Variants in MCTP1 observed in about 807,000 individuals in gnomAD.
MCTP1 encodes the protein multiple C2 and transmembrane domain-containing protein 1.
In MCTP1, 69 loss-of-function variants were observed where a neutral mutation model predicts 120.6. The ratio of observed to expected loss-of-function variants is 0.57; its 90% CI spans 0.47 to 0.70. The LOEUF (loss-of-function observed/expected upper bound fraction) is 0.70, where lower values mean the gene tolerates loss of function less well. Among genes scored for constraint, MCTP1 ranks in the 30% least tolerant of loss-of-function variants. The probability of loss-of-function intolerance (pLI) is 0.00; values close to 1 mark genes in which losing one functional copy is unlikely to be tolerated. For synonymous variants in MCTP1, 529 were observed against 493.1 expected (o/e 1.07, Z -0.96); for missense variants, 1,203 against 1,248.8 (o/e 0.96, Z 0.55).
rs1283123081 is a variant in MCTP1 at position 95,232,603 on chromosome 5, C to T, written c.720+51253G>A. Reference sequence around the variant, plus strand: ...CCTCCAGAGTAGCTGGGACTATAGGCGCTTGCCACCACACCCAGCTAATTT... The same window carrying T: ...CCTCCAGAGTAGCTGGGACTATAGGTGCTTGCCACCACACCCAGCTAATTT... On this transcript the variant is annotated intron_variant, in intron 1 of 22. Coordinates refer to ENST00000515393, the MANE Select transcript of MCTP1 (RefSeq NM_024717.7). Among the ~76,000 whole-genome samples the T allele has an allele frequency of 7.2e-5, 11 of 151,826 alleles. No individual in the cohort carries two copies. The East Asian group carries it at 9.7e-4, about 13-fold the overall frequency.
At chr5:95,266,724 T>G (rs114355219) in intron 1 of MCTP1, among the ~76,000 whole-genome samples, 1,603 of 152,322 alleles carry the variant, frequency 0.011, 24 homozygotes, top group African/African-American at 0.035. Context: ...TCCATGTTCA[T>G]ATTGGTCATT....
intron 1 of MCTP1, among the ~76,000 whole-genome samples, chr5:95,248,597 A>G (rs1757060147): frequency 6.6e-6 from 1 of 152,234 alleles, no homozygotes; most frequent in African/African-American, 2.4e-5. Flanking sequence ...AGAATGCCCA[A>G]GGTAATTTAT....
intron 1 of MCTP1, among the ~76,000 whole-genome samples, chr5:95,223,657 T>C (rs1753935799): frequency 6.6e-6 from 1 of 152,104 alleles, no homozygotes; most frequent in Admixed American, 6.6e-5. Context: ...TGTATATTTC[T>C]TGAAACTGGA....
chr5:94,793,180 A>G (rs73133942), intron 18 of MCTP1, among the ~76,000 whole-genome samples: 32,726 of 152,034 alleles, frequency 0.22, 5,563 homozygotes, highest in African/African-American at 0.47. Flanking sequence ...GTGCAAATCC[A>G]AAGCCTGATG....
intron 17 of MCTP1, among the ~76,000 whole-genome samples, chr5:94,824,569 G>T: frequency 6.6e-6 from 1 of 152,134 alleles, no homozygotes; most frequent in Non-Finnish European, 1.5e-5. Flanking sequence ...TTTGGGAGGA[G>T]TCCCTCTTTT....
rs1362677191 is a variant in MCTP1, at chr5:94,712,779, A to G, written c.2721-1852T>C. Reference sequence around the variant, plus strand: ...CCCTTGCTTCTGCTTGCTTGTGGAGAGAACAGAAGGCTAAGGGGATCTGCT... The same window carrying G: ...CCCTTGCTTCTGCTTGCTTGTGGAGGGAACAGAAGGCTAAGGGGATCTGCT... On this transcript the variant is annotated intron_variant, in intron 20 of 22. Transcript: ENST00000515393. 5.9e-5 allele frequency among the ~76,000 whole-genome samples: 9 copies of G among 151,714 alleles called. No individual in the cohort carries two copies. The South Asian group carries it at 1.5e-3, about 25-fold the overall frequency.
At position 94,703,865 on chromosome 5, in the gene MCTP1, G is replaced by A. The variant is rs1585265540; in HGVS notation, c.*3631C>T. The A allele has an allele frequency of 6.6e-6, 1 of 150,582 alleles. No homozygotes were observed. Among genetic ancestry groups the A allele is most frequent in the East Asian group, 2.0e-4 (1 of 5,114 alleles). 9.3% of individuals were successfully genotyped at this position (150,582 alleles called of 1,614,324 possible). A position where few individuals can be genotyped will look rare whatever the true frequency, so the allele number is the denominator to read the frequency against. Reference sequence around the variant, plus strand: ...TTATTTGCATACTATTTTTTAATGAGATTTTTCAATAGTATTTCTCAAATT... The same window carrying A: ...TTATTTGCATACTATTTTTTAATGAAATTTTTCAATAGTATTTCTCAAATT... On this transcript the variant is annotated 3_prime_UTR_variant, in exon 23 of 23. Transcript: ENST00000515393.
Position 94,917,932 on chromosome 5 carries a change from T to A in MCTP1, c.1314A>T (p.Arg438Ser). Residue 438 changes from arginine (R) to serine (S), a missense_variant, in exon 8 of 23, where the codon AGA (arginine) becomes AGT (serine). Physicochemically the swap from Arg to Ser is moderately radical, Grantham distance 110. Coordinates refer to ENST00000515393, the MANE Select transcript of MCTP1 (RefSeq NM_024717.7). ...TGCAATAAGGATTCTGAAGCTCTGC[T>A]CTGCAGAAGCCCAGGACAGGAAGAG... ...RPALPVLGFC[R>S]AELQNPYCKN... The A allele has an allele frequency of 3.1e-6, 5 of 1,614,074 alleles. No homozygotes were observed. The highest frequency in any genetic ancestry group is 4.2e-6 in the Non-Finnish European group (5 of 1,179,934).
chr5:95,023,308 C>T (rs1205937762), intron 1 of MCTP1, among the ~76,000 whole-genome samples: 1 of 152,160 alleles, frequency 6.6e-6, no homozygotes, highest in Non-Finnish European at 1.5e-5. Context: ...AGAGAAATCC[C>T]ATGGTTCTAG....
At chr5:94,882,597 G>A (rs1328850424) in intron 12 of MCTP1, among the ~76,000 whole-genome samples, 1 of 152,080 alleles carries the variant, frequency 6.6e-6, no homozygotes, top group Non-Finnish European at 1.5e-5. Context: ...ATTTCTTCAA[G>A]CACTGAGTGA....
At chr5:94,855,599 T>C (rs545991163) in intron 17 of MCTP1, among the ~76,000 whole-genome samples, 1 of 151,758 alleles carries the variant, frequency 6.6e-6, no homozygotes, top group South Asian at 2.1e-4. Context: ...TATACAGATA[T>C]ATCTCATTCA....
chr5:94,707,670 T>G lies in MCTP1; in HGVS notation c.2929-103A>C. 3 of 823,144 alleles carry G rather than the reference T, an allele frequency of 3.6e-6. No individual in the cohort carries two copies. In the East Asian group the frequency reaches 7.4e-5, roughly 20 times the overall value. 51.0% of individuals were successfully genotyped at this position (823,144 alleles called of 1,614,324 possible). On this transcript the variant is annotated intron_variant, in intron 22 of 22. Coordinates refer to ENST00000515393, the MANE Select transcript of MCTP1 (RefSeq NM_024717.7). ...GACGGTGCTTGGGGGAAGAAAGTGC[T>G]CACTCTAGAAGCTGTATGGGATCTG...
At chr5:94,797,389 T>C (rs1344946662) in intron 18 of MCTP1, among the ~76,000 whole-genome samples, 1 of 152,142 alleles carries the variant, frequency 6.6e-6, no homozygotes, top group Admixed American at 6.6e-5. Flanking sequence ...GAATGAAAAG[T>C]AGATATTCTT....
At position 95,261,073 on chromosome 5, in the gene MCTP1, G is replaced by C. The variant is rs139352615; in HGVS notation, c.720+22783C>G. On this transcript the variant is annotated intron_variant, in intron 1 of 22. Transcript: ENST00000515393. ...TAGACTGTGAAACTTTTCCGAGGTAGATTCTATTCCTCTAGATAGTAAGGA... is the reference window on the plus strand; with the variant it reads ...TAGACTGTGAAACTTTTCCGAGGTACATTCTATTCCTCTAGATAGTAAGGA... Among the ~76,000 whole-genome samples, 657 of 152,310 alleles carry C rather than the reference G, an allele frequency of 4.3e-3. 5 individuals are homozygous for C. The highest frequency in any genetic ancestry group is 0.013 in the African/African-American group (552 of 41,564).
intron 1 of MCTP1, among the ~76,000 whole-genome samples, chr5:95,198,955 G>C (rs187949735): frequency 6.6e-6 from 1 of 152,126 alleles, no homozygotes; most frequent in Non-Finnish European, 1.5e-5. Context: ...TTTGTTAATG[G>C]TGCTAAGGAC....
rs187681086 is a variant in MCTP1, at chr5:95,235,899, C to G, written c.720+47957G>C. Among the ~76,000 whole-genome samples the G allele has an allele frequency of 3.3e-5, 5 of 152,254 alleles. No individual in the cohort carries two copies. In the East Asian group the frequency reaches 7.7e-4, roughly 23 times the overall value. ...CCCTGAGCTACTTCTGACTACAGTA[C>G]TGTGAAATAATACATATCTATTGTT... is the stretch of plus-strand genomic sequence containing the variant. On this transcript the variant is annotated intron_variant, in intron 1 of 22. Transcript: ENST00000515393.
chr5:94,721,054 C>A (rs904299205), intron 19 of MCTP1, among the ~76,000 whole-genome samples: 6 of 152,124 alleles, frequency 3.9e-5, no homozygotes, highest in Admixed American at 2.6e-4. Flanking sequence ...CCTATTCAAT[C>A]CAGGAAGGTT....
At chr5:94,870,127 GC>G (rs1797553605) in intron 16 of MCTP1, among the ~76,000 whole-genome samples, 1 of 152,160 alleles carries the variant, frequency 6.6e-6, no homozygotes, top group East Asian at 1.9e-4. Flanking sequence ...TCATTCTTTT[GC>G]TAATGCATGA....
chr5:94,894,602 T>G, intron 11 of MCTP1, 47 bp downstream of exon 11: 5 of 1,369,860 alleles, frequency 3.7e-6, no homozygotes, highest in Non-Finnish European at 5.0e-6. Context: ...GTTTACAACC[T>G]GATCTAGTCA....
Sources: gnomAD v4.1 joint callset for allele counts (sites outside exome capture counted in the v4.1 genomes callset) on GRCh38, gnomAD v4.1.1 for gene constraint, MANE v1.5 for transcripts, NCBI Gene and HGNC (gene_info 2026-07-23, HGNC 2026-07-21) for gene names.